Variants in IQGAP1 observed in about 807,000 individuals in gnomAD.
The protein encoded by IQGAP1 is IQ motif containing GTPase activating protein 1.
In IQGAP1, 66 loss-of-function variants were observed where a neutral mutation model predicts 215.6. The observed-to-expected ratio is 0.31, with a 90% CI of 0.25 to 0.38. The LOEUF (loss-of-function observed/expected upper bound fraction) is 0.38, where lower values mean the gene tolerates loss of function less well. IQGAP1 is among the 10% of genes least tolerant of loss of function. The pLI, the probability that IQGAP1 is intolerant of heterozygous loss-of-function variation, is 1.00. For synonymous variants in IQGAP1, 772 were observed against 728.7 expected (o/e 1.06, Z -0.96); for missense variants, 1,712 against 1,997.1 (o/e 0.86, Z 2.72).
At chr15:90,421,950 T>C (rs1965143750) in intron 2 of IQGAP1, among the ~76,000 whole-genome samples, 1 of 152,200 alleles carries the variant, frequency 6.6e-6, no homozygotes, top group Non-Finnish European at 1.5e-5. Flanking sequence ...CGTGAACCAC[T>C]GCACCGGTTC....
intron 2 of IQGAP1, among the ~76,000 whole-genome samples, chr15:90,395,317 TTTTG>T (rs1964697797): frequency 6.6e-6 from 1 of 151,516 alleles, no homozygotes; most frequent in Non-Finnish European, 1.5e-5. Context: ...GCGGGGTTTT[TTTTG>T]TTTTTTTGTT....
chr15:90,443,359 A>G lies in IQGAP1; in HGVS notation c.829-35A>G, dbSNP rs199607146. On this transcript the variant is annotated intron_variant, in intron 8 of 37. Coordinates refer to ENST00000268182, the MANE Select transcript of IQGAP1 (RefSeq NM_003870.4). ...TTTATGTGGTCTTCTTAGACACCTT[A>G]AGCTAACTTAATTACGCTTTTTACT... The G allele has an allele frequency of 1.9e-5, 26 of 1,403,274 alleles. No individual in the cohort carries two copies. The East Asian group carries it at 5.7e-4, about 31-fold the overall frequency. The allele number at this position is 1,403,274 out of a possible 1,614,324, so 86.9% of individuals were successfully genotyped here.
At chr15:90,418,447 G>A (rs567090156) in intron 2 of IQGAP1, among the ~76,000 whole-genome samples, 6 of 151,878 alleles carry the variant, frequency 4.0e-5, no homozygotes, top group Admixed American at 6.5e-5. Flanking sequence ...AATTAGCCTC[G>A]TGTGGTGGTA....
chr15:90,449,684 T>A, intron 11 of IQGAP1, 41 bp downstream of exon 11: 1 of 1,522,098 alleles, frequency 6.6e-7, no homozygotes, highest in African/African-American at 1.4e-5. Context: ...AAGTTGTGGC[T>A]TTGTGTTATT....
chr15:90,484,269 A>T lies in IQGAP1; in HGVS notation c.3838A>T (p.Asn1280Tyr), dbSNP rs2151036222. The change falls in exon 30 of 38, where the codon AAT (asparagine) becomes TAT (tyrosine). Residue 1280 changes from asparagine to tyrosine, a missense_variant. By Grantham distance (143) the Asn-to-Tyr change is moderately radical (BLOSUM62 -2). Around this residue, in one of 2 missense-constraint regions of IQGAP1, gnomAD observed 691 missense variants for 923.0 expected, o/e 0.75. Coordinates refer to ENST00000268182, the MANE Select transcript of IQGAP1 (RefSeq NM_003870.4). ...TGTCCCAGAGCTTCAGGATAAATTT[A>T]ATGTGGATGAGTACTCTGATTTAGT... ...CDVPELQDKF[N>Y]VDEYSDLVTL... The T allele has an allele frequency of 6.2e-7, 1 of 1,613,672 alleles. No homozygotes were observed.
At chr15:90,473,097 T>C (rs1965928411) in intron 19 of IQGAP1, 87 bp downstream of exon 19, 3 of 1,283,314 alleles carry the variant, frequency 2.3e-6, no homozygotes, top group Admixed American at 3.8e-5. Flanking sequence ...ACTGTCTGAG[T>C]GTGTTTTTTG....
Position 90,477,906 on chromosome 15 carries a change from G to T in IQGAP1, c.3329+17G>T. 6.7e-7 allele frequency: 1 copy of T among 1,486,656 alleles called. No homozygotes were observed. The highest frequency in any genetic ancestry group is 1.1e-5 in the South Asian group (1 of 88,456). The allele number at this position is 1,486,656 out of a possible 1,614,324, so 92.1% of individuals were successfully genotyped here. On this transcript the variant is annotated intron_variant, in intron 26 of 37. Coordinates refer to ENST00000268182, the MANE Select transcript of IQGAP1 (RefSeq NM_003870.4). ...AGAGGCAAGGTATGTTAACCATAAT[G>T]ACACTTTTCTTTCATGTTGTTATAG...
At position 90,429,838 on chromosome 15, in the gene IQGAP1, T is replaced by A. The variant is rs538978819; in HGVS notation, c.390+172T>A. On this transcript the variant is annotated intron_variant, in intron 4 of 37. Coordinates refer to ENST00000268182, the MANE Select transcript of IQGAP1 (RefSeq NM_003870.4). The stretch of plus-strand genomic sequence containing the variant: ...AGGAAATAGTTTTGTTCTTTTTCTT[T>A]TATAATCCTCATACCTGTTTCATCT... 43 of 479,296 alleles carry A rather than the reference T, an allele frequency of 9.0e-5. No homozygotes were observed. The South Asian group carries it at 1.5e-3, about 16-fold the overall frequency. 29.7% of individuals were successfully genotyped at this position (479,296 alleles called of 1,614,324 possible).
At chr15:90,430,268 C>G (rs1336094077) in intron 4 of IQGAP1, among the ~76,000 whole-genome samples, 1 of 152,148 alleles carries the variant, frequency 6.6e-6, no homozygotes, top group Admixed American at 6.6e-5. Context: ...AACTGCCACA[C>G]TGTATGGTCA....
rs554975896 is a variant in IQGAP1 at position 90,426,134 on chromosome 15, A to C, written c.180A>C (p.Glu60Asp). The change falls in exon 3 of 38, where the codon GAA (glutamate) becomes GAC (aspartate). Residue 60 changes from glutamate to aspartate, a missense_variant. By Grantham distance (45) the Glu-to-Asp change is conservative. This residue lies in a region of IQGAP1 where 1,021 missense variants were observed against 1,074.2 expected (regional missense o/e 0.95). Coordinates refer to ENST00000268182, the MANE Select transcript of IQGAP1 (RefSeq NM_003870.4). ...AKRWMEACLG[E>D]DLPPTTELEE... ...GGTGGATGGAAGCATGCCTAGGGGA[A>C]GATCTGCCTCCCACCACAGAACTGG... is the stretch of plus-strand genomic sequence containing the variant. 1.9e-5 allele frequency: 30 copies of C among 1,606,448 alleles called. No individual in the cohort carries two copies. The South Asian group carries it at 3.2e-4, about 17-fold the overall frequency.
At chr15:90,418,893 TC>T in intron 2 of IQGAP1, among the ~76,000 whole-genome samples, 1 of 152,272 alleles carries the variant, frequency 6.6e-6, no homozygotes, top group East Asian at 1.9e-4. Context: ...ACGCCTGTAA[TC>T]CCAGCACTTT....
In IQGAP1 at chr15:90,388,300, A is replaced by C. The variant is rs1176033989; in HGVS notation, c.-42A>C. The C allele has an allele frequency of 1.8e-5, 28 of 1,597,494 alleles. No homozygotes were observed. Among genetic ancestry groups the C allele is most frequent in the Non-Finnish European group, 2.4e-5 (28 of 1,173,102 alleles). On this transcript the variant is annotated 5_prime_UTR_variant, in exon 1 of 38. Transcript: ENST00000268182. ...GTAGCTACCGCCGTCCGCGCCTCCA[A>C]GGTTTCACGGCTTCCTCAGCAGAGA...
chr15:90,491,573 C>T, intron 34 of IQGAP1, 28 bp downstream of exon 34: 3 of 1,591,384 alleles, frequency 1.9e-6, no homozygotes, highest in Non-Finnish European at 1.7e-6. Flanking sequence ...CAGAGGGGAC[C>T]CGGCCTTGTT....
intron 9 of IQGAP1, 69 bp from the exon 10 acceptor site, chr15:90,448,504 G>A (rs1965555171): frequency 1.4e-6 from 2 of 1,384,908 alleles, no homozygotes; most frequent in African/African-American, 1.5e-5. Context: ...TTGGTTTTGG[G>A]GAAGGAAAAC....
chr15:90,395,391 G>A (rs562207957), intron 2 of IQGAP1, among the ~76,000 whole-genome samples: 1 of 151,932 alleles, frequency 6.6e-6, no homozygotes, highest in Non-Finnish European at 1.5e-5. Context: ...CGCTATCTCG[G>A]CTCACTGCAA....
intron 2 of IQGAP1, among the ~76,000 whole-genome samples, chr15:90,416,443 T>A (rs1329960545): frequency 1.3e-5 from 2 of 152,180 alleles, no homozygotes; most frequent in African/African-American, 4.8e-5. Flanking sequence ...CTGGGTCAAA[T>A]GGTATTTCTA....
chr15:90,452,965 G>A (rs1263748950), intron 12 of IQGAP1, 27 bp downstream of exon 12: 4 of 1,611,044 alleles, frequency 2.5e-6, no homozygotes, highest in Admixed American at 3.3e-5. Context: ...TGTCCTGTTT[G>A]TGAGCAAAGT....
intron 2 of IQGAP1, among the ~76,000 whole-genome samples, chr15:90,424,838 TAA>T (rs951002276): frequency 1.4e-5 from 2 of 141,230 alleles, no homozygotes; most frequent in Non-Finnish European, 3.1e-5. Flanking sequence ...GACTCCAACT[TAA>T]AAAAAAAAAA....
rs202137893 is a variant in IQGAP1 at position 90,501,389 on chromosome 15, TAAAAAA to T, written c.*1290_*1295del. The T allele has an allele frequency of 7.0e-6, 1 of 143,344 alleles. No homozygotes were observed. Among genetic ancestry groups the T allele is most frequent in the Non-Finnish European group, 1.5e-5 (1 of 64,962 alleles). The allele number at this position is 143,344 out of a possible 1,614,324, so 8.9% of individuals were successfully genotyped here. ...TTCTTGGATAAAAAGTCATACACTT[TAAAAAA>T]AAAAAAAACTTTTTCCAGGAAAATA... On this transcript the variant is annotated 3_prime_UTR_variant, in exon 38 of 38. Transcript: ENST00000268182.
Sources: allele counts gnomAD v4.1 joint callset (sites outside exome capture counted in the v4.1 genomes callset), GRCh38; gene constraint gnomAD v4.1.1; regional missense constraint gnomAD v4.1.1; transcripts MANE v1.5; gene names NCBI Gene and HGNC (gene_info 2026-07-23, HGNC 2026-07-21).